The following MYO1E variants were observed in gnomAD, a reference collection of about 807,000 sequenced individuals.
MYO1E encodes myosin IE, also known as unconventional myosin-Ie.
Under a neutral mutation model 151.1 loss-of-function variants are expected in MYO1E, and 68 were observed. The ratio of observed to expected loss-of-function variants is 0.45; its 90% CI spans 0.37 to 0.55. The LOEUF is 0.55. Ranked by LOEUF, MYO1E falls within the 20% of genes least tolerant of loss-of-function variation. MYO1E has a pLI of 0.00. For synonymous variants in MYO1E, 601 were observed against 501.7 expected (o/e 1.20, Z -2.64); for missense variants, 1,363 against 1,389.3 (o/e 0.98, Z 0.30).
At chr15:59,238,700 TA>T (rs1372181095) in intron 4 of MYO1E, among the ~76,000 whole-genome samples, 2 of 152,008 alleles carry the variant, frequency 1.3e-5, no homozygotes, top group Non-Finnish European at 2.9e-5. Flanking sequence ...GCCTCCCAAG[TA>T]TCTGGGATTA....
intron 4 of MYO1E, among the ~76,000 whole-genome samples, chr15:59,251,585 T>C (rs2080165304): frequency 6.6e-6 from 1 of 152,216 alleles, no homozygotes; most frequent in Admixed American, 6.5e-5. Flanking sequence ...TTCGGATCAG[T>C]AAGAAAATGT....
rs1266701889 is a variant in MYO1E at position 59,366,994 on chromosome 15, TCG to T, written c.3+5502_3+5503del. 6.7e-3 allele frequency among the ~76,000 whole-genome samples: 360 copies of T among 53,586 alleles called. 5 individuals are homozygous for T. Among genetic ancestry groups the T allele is most frequent in the African/African-American group, 0.017 (320 of 18,722 alleles). The allele number at this position is 53,586 out of a possible 152,430, so 35.2% of individuals were successfully genotyped here. A position where few individuals can be genotyped will look rare whatever the true frequency, so the allele number is the denominator to read the frequency against. On this transcript the variant is annotated intron_variant, in intron 1 of 27. Coordinates refer to ENST00000288235, the MANE Select transcript of MYO1E (RefSeq NM_004998.4). ...GGTAAAAACACAAGTTGCTGCATTT[TCG>T]CAAAAAAAAAAAAAAAAAAAAAAAA...
At chr15:59,161,473 G>A (rs775864280) in intron 23 of MYO1E, among the ~76,000 whole-genome samples, 1 of 152,192 alleles carries the variant, frequency 6.6e-6, no homozygotes, top group Non-Finnish European at 1.5e-5. Flanking sequence ...AGGTGGTGAG[G>A]GAGGTACATC....
At chr15:59,152,204 C>T (rs1304357201) in intron 26 of MYO1E, among the ~76,000 whole-genome samples, 1 of 152,136 alleles carries the variant, frequency 6.6e-6, no homozygotes, top group Non-Finnish European at 1.5e-5. Context: ...GCAGCCTGGG[C>T]AACAGAGCGA....
chr15:59,225,717 G>A (rs1331558453), intron 7 of MYO1E, among the ~76,000 whole-genome samples: 48 of 146,540 alleles, frequency 3.3e-4, no homozygotes, highest in African/African-American at 1.1e-3. Context: ...TGCGATCTCC[G>A]CTCCCTGCAA....
chr15:59,174,286 A>G (rs1216545905), intron 19 of MYO1E, 46 bp from the exon 20 acceptor site: 2 of 1,336,682 alleles, frequency 1.5e-6, no homozygotes, highest in East Asian at 2.3e-5. Flanking sequence ...CCAAGCCCCA[A>G]TCCCTGAACA....
chr15:59,199,787 C>T (rs531843135), intron 16 of MYO1E, among the ~76,000 whole-genome samples: 11 of 152,256 alleles, frequency 7.2e-5, no homozygotes, highest in South Asian at 2.1e-4. Context: ...TAAACGCTTA[C>T]GCCTCAGGGA....
chr15:59,214,186 A>G (rs1465198237), intron 12 of MYO1E, 42 bp downstream of exon 12: 14 of 1,499,252 alleles, frequency 9.3e-6, no homozygotes, highest in South Asian at 1.2e-5. Context: ...TAAACAAAAT[A>G]AATTATAAAT....
Position 59,224,831 on chromosome 15 carries a change from A to G in MYO1E, c.643-8T>C. On this transcript the variant is annotated splice_region_variant and splice_polypyrimidine_tract_variant and intron_variant, in intron 7 of 27. Transcript: ENST00000288235. The stretch of plus-strand genomic sequence containing the variant: ...AGAGGCGCCCTCGATGAGCTGGAGC[A>G]AGAGAACACAGGTTGAGCCATGATG... The G allele has an allele frequency of 1.9e-6, 3 of 1,614,206 alleles. No homozygotes were observed. Among genetic ancestry groups the G allele is most frequent in the Non-Finnish European group, 2.5e-6 (3 of 1,180,038 alleles).
chr15:59,223,738 C>T (rs2079970543), intron 8 of MYO1E, among the ~76,000 whole-genome samples: 1 of 152,184 alleles, frequency 6.6e-6, no homozygotes, highest in Non-Finnish European at 1.5e-5. Flanking sequence ...CCAATAAAAG[C>T]ATCATTTAAA....
intron 4 of MYO1E, 34 bp from the exon 5 acceptor site, chr15:59,236,706 A>C: frequency 6.6e-7 from 1 of 1,525,282 alleles, no homozygotes; most frequent in Non-Finnish European, 9.1e-7. Flanking sequence ...CCACCTGAGA[A>C]GTGGATTGCG....
intron 1 of MYO1E, among the ~76,000 whole-genome samples, chr15:59,352,079 C>T (rs2080826554): frequency 6.6e-6 from 1 of 152,276 alleles, no homozygotes; most frequent in East Asian, 1.9e-4. Context: ...GTGGAAGAGG[C>T]ACCCCGGGTT....
chr15:59,217,113 T>C (rs1797543287), intron 10 of MYO1E, among the ~76,000 whole-genome samples: 1 of 152,200 alleles, frequency 6.6e-6, no homozygotes, highest in Admixed American at 6.5e-5. Flanking sequence ...ATCAGCTTCC[T>C]GACTGCAACC....
At chr15:59,284,680 G>A (rs1350781606) in intron 1 of MYO1E, among the ~76,000 whole-genome samples, 2 of 145,222 alleles carry the variant, frequency 1.4e-5, no homozygotes, top group African/African-American at 2.5e-5. Flanking sequence ...CCACTGTGTT[G>A]CCCAGGCTAG....
intron 4 of MYO1E, among the ~76,000 whole-genome samples, chr15:59,241,802 C>T (rs1362730304): frequency 6.6e-6 from 1 of 151,772 alleles, no homozygotes; most frequent in Non-Finnish European, 1.5e-5. Context: ...TCCTGTGGTC[C>T]TAGTTACTTT....
chr15:59,352,603 C>T (rs1481211889), intron 1 of MYO1E, among the ~76,000 whole-genome samples: 6 of 152,060 alleles, frequency 3.9e-5, no homozygotes, highest in East Asian at 1.9e-4. Flanking sequence ...ACCTTAAACA[C>T]GGTACCTAAC....
Position 59,350,982 on chromosome 15 carries a change from C to G in MYO1E, c.3+21516G>C. ...CGCGATCTCGGCTCAATGCAAGCTC[C>G]GCCTCCCAGGTTCACGCCATTCTCC... On this transcript the variant is annotated intron_variant, in intron 1 of 27. Transcript: ENST00000288235. This position sits in a 1 kb window ranked among gnomAD's most constrained non-coding sequence, Gnocchi z 5.0. Among the ~76,000 whole-genome samples, 1 of 152,206 alleles carries G rather than the reference C, an allele frequency of 6.6e-6. No homozygotes were observed. Among genetic ancestry groups the G allele is most frequent in the African/African-American group, 2.4e-5 (1 of 41,442 alleles).
chr15:59,171,836 C>T (rs1291154704), intron 22 of MYO1E, 61 bp downstream of exon 22: 3 of 1,610,482 alleles, frequency 1.9e-6, no homozygotes, highest in East Asian at 2.2e-5. Context: ...CTGTTTGGAA[C>T]AGCGGACCGT....
intron 1 of MYO1E, among the ~76,000 whole-genome samples, chr15:59,352,249 T>C (rs745389520): frequency 3.9e-5 from 6 of 152,222 alleles, no homozygotes; most frequent in South Asian, 2.1e-4. Context: ...TTAGAGATGA[T>C]TGAGTCGCAT....
Sources: gnomAD v4.1 joint callset for allele counts (sites outside exome capture counted in the v4.1 genomes callset) on GRCh38, gnomAD v4.1.1 for gene constraint, Gnocchi (gnomAD v3.1) non-coding constraint, MANE v1.5 for transcripts, NCBI Gene and HGNC (gene_info 2026-07-23, HGNC 2026-07-21) for gene names.